Variants in TRPV5 observed in about 807,000 individuals in gnomAD.
TRPV5 encodes calcium transport protein 2.
TRPV5 carries 66 observed loss-of-function variants against 74.1 expected under a neutral mutation model. The observed-to-expected ratio is 0.89, with a 90% confidence interval of 0.73 to 1.09. The LOEUF (loss-of-function observed/expected upper bound fraction) is 1.09. Ranked by LOEUF, TRPV5 falls within the 50% of genes least tolerant of loss-of-function variation. The probability of loss-of-function intolerance (pLI) is 0.00; values close to 1 mark genes in which losing one functional copy is unlikely to be tolerated. For synonymous variants in TRPV5, 399 were observed against 360.7 expected, an observed-to-expected ratio of 1.11 and a Z score of -1.20; for missense variants, 936 against 930.4, an observed-to-expected ratio of 1.01 and a Z score of -0.08.
At chr7:142,916,903 C>T (rs10224165) in intron 8 of TRPV5, among the ~76,000 whole-genome samples, 135,439 of 147,196 alleles carry the variant, frequency 0.92, 62,415 homozygotes, top group East Asian at 0.99. Context: ...TTTTTTTTTT[C>T]TTTTTTGGCT....
chr7:142,932,638 C>T (rs1796115307), intron 1 of TRPV5, among the ~76,000 whole-genome samples: 1 of 152,172 alleles, frequency 6.6e-6, no homozygotes. Flanking sequence ...CAGGATTCGT[C>T]CCTGCCCCAG....
intron 8 of TRPV5, among the ~76,000 whole-genome samples, chr7:142,917,486 C>T (rs564526243): frequency 6.6e-6 from 1 of 152,184 alleles, no homozygotes; most frequent in South Asian, 2.1e-4. Flanking sequence ...GATCAGGGTG[C>T]CCCTAGAATC....
rs376403036 is a variant in TRPV5 at position 142,915,296 on chromosome 7, G to A, written c.1286+11C>T. ...AGGAAAGGCAGGGGGCTGGAATGAG[G>A]GGATACTCACATGATGACATGGAAT... On this transcript the variant is annotated intron_variant, in intron 10 of 14. Coordinates refer to ENST00000265310, the MANE Select transcript of TRPV5 (RefSeq NM_019841.7). 10 of 1,609,658 alleles carry A rather than the reference G, an allele frequency of 6.2e-6. No individual in the cohort carries two copies. Among genetic ancestry groups the A allele is most frequent in the Non-Finnish European group, 8.5e-6 (10 of 1,178,936 alleles).
intron 8 of TRPV5, among the ~76,000 whole-genome samples, chr7:142,921,800 T>A (rs999265892): frequency 1.3e-5 from 2 of 152,240 alleles, no homozygotes; most frequent in African/African-American, 4.8e-5. Context: ...GAAGGATCTG[T>A]CTGGACAACC....
chr7:142,930,412 C>T lies in TRPV5; in HGVS notation c.163G>A (p.Glu55Lys). 2.5e-6 allele frequency: 4 copies of T among 1,614,190 alleles called. No individual in the cohort carries two copies. Among genetic ancestry groups the T allele is most frequent in the Non-Finnish European group, 3.4e-6 (4 of 1,180,032 alleles). Residue 55 changes from glutamate to lysine, a missense_variant, in exon 2 of 15, where the codon GAA becomes AAA. By Grantham distance (56) the Glu-to-Lys change is moderately conservative. Coordinates refer to ENST00000265310, the MANE Select transcript of TRPV5 (RefSeq NM_019841.7). ...LESPLLRASK[E>K]NDLSVLRQLL... ...TGCCTAAGAACAGACAGGTCATTTT[C>T]CTTGGATGCTCGAAGCAGTGGAGAC...
rs747147481 is a variant in TRPV5, at chr7:142,929,004, C to T, written c.586+18G>A. On this transcript the variant is annotated intron_variant, in intron 5 of 14. Transcript: ENST00000265310. ...CTCCCCACAGCATCCCAGCTCCCCT[C>T]CCCATCCCAGCTCTTACCCAGGGAG... 2.1e-5 allele frequency: 34 copies of T among 1,613,654 alleles called. No individual in the cohort carries two copies. Among genetic ancestry groups the T allele is most frequent in the Middle Eastern group, 1.7e-4 (1 of 5,846 alleles).
intron 5 of TRPV5, 50 bp from the exon 6 acceptor site, chr7:142,928,916 G>A (rs750001671): frequency 1.2e-6 from 2 of 1,611,758 alleles, no homozygotes; most frequent in Non-Finnish European, 1.7e-6. Context: ...AGTCCCTGAT[G>A]TCCCCATCCC....
In TRPV5 at chr7:142,908,176, C is replaced by A; in HGVS notation, c.*338G>T. 3.0e-6 allele frequency: 1 copy of A among 334,666 alleles called. No homozygotes were observed. Among genetic ancestry groups the A allele is most frequent in the Non-Finnish European group, 5.5e-6 (1 of 182,654 alleles). 20.7% of individuals were successfully genotyped at this position (334,666 alleles called of 1,614,324 possible). On this transcript the variant is annotated 3_prime_UTR_variant, in exon 15 of 15. Coordinates refer to ENST00000265310, the MANE Select transcript of TRPV5 (RefSeq NM_019841.7). ...AAGCCCTGGGGAGCCAGAAAAGCCTCACAGCTTACTACTTTCTAGGGGCTG... is the reference window on the plus strand; with the variant it reads ...AAGCCCTGGGGAGCCAGAAAAGCCTAACAGCTTACTACTTTCTAGGGGCTG...
Position 142,914,717 on chromosome 7 carries a change from CAGAA to C in TRPV5, c.1453-15_1453-12del, listed in dbSNP as rs1254194420. ...GTCTCCAAAAATCATCTGCAGGAAA[CAGAA>C]GGAAGAAAGGGTGGGATGATTCCTT... On this transcript the variant is annotated splice_polypyrimidine_tract_variant and intron_variant, in intron 11 of 14. Coordinates refer to ENST00000265310, the MANE Select transcript of TRPV5 (RefSeq NM_019841.7). The C allele has an allele frequency of 6.2e-7, 1 of 1,613,478 alleles. No individual in the cohort carries two copies. The highest frequency in any genetic ancestry group is 8.5e-7 in the Non-Finnish European group (1 of 1,179,698).
intron 7 of TRPV5, among the ~76,000 whole-genome samples, chr7:142,926,269 C>G (rs529593916): frequency 6.6e-6 from 1 of 152,058 alleles, no homozygotes; most frequent in Admixed American, 6.5e-5. Context: ...CAGATTTGCT[C>G]TAGAAGTATT....
chr7:142,922,936 C>T (rs1258921888), intron 8 of TRPV5, among the ~76,000 whole-genome samples: 2 of 152,154 alleles, frequency 1.3e-5, no homozygotes, highest in Non-Finnish European at 2.9e-5. Flanking sequence ...AATAAACTAA[C>T]TCCAGCTTTA....
chr7:142,931,522 A>C (rs4252391), intron 1 of TRPV5, among the ~76,000 whole-genome samples: 118,596 of 151,976 alleles, frequency 0.78, 49,455 homozygotes, highest in East Asian at 0.96. Flanking sequence ...TTGAACCCAG[A>C]AAGAGATAAA....
At chr7:142,932,882 A>C (rs1156258015) in intron 1 of TRPV5, among the ~76,000 whole-genome samples, 1 of 152,204 alleles carries the variant, frequency 6.6e-6, no homozygotes, top group African/African-American at 2.4e-5. Context: ...GTCAGCACCC[A>C]GTGTTACACC....
At position 142,930,351 on chromosome 7, in the gene TRPV5, C is replaced by T; in HGVS notation, c.224G>A (p.Arg75Lys). ...LLDCTCDVRQRGALGETALHI... is the reference protein window; with the variant it reads ...LLDCTCDVRQKGALGETALHI... The stretch of plus-strand genomic sequence containing the variant: ...ATCCCATTAAATCCAGATCCCACCT[C>T]TTTGTCGAACGTCACAGGTGCAGTC... Residue 75 changes from arginine (R) to lysine (K), a missense_variant and splice_region_variant, in exon 2 of 15, where the codon AGA becomes AAA. Arg to Lys is a conservative substitution (Grantham distance 26, BLOSUM62 2). Transcript: ENST00000265310. 1 of 1,614,086 alleles carries T rather than the reference C, an allele frequency of 6.2e-7. No homozygotes were observed. Among genetic ancestry groups the T allele is most frequent in the Non-Finnish European group, 8.5e-7 (1 of 1,179,922 alleles).
At chr7:142,928,972 T>G in intron 5 of TRPV5, 50 bp downstream of exon 5, 1 of 1,612,882 alleles carries the variant, frequency 6.2e-7, no homozygotes, top group Non-Finnish European at 8.5e-7. Context: ...CCTTACCCTG[T>G]CCCTCGCTCC....
chr7:142,923,665 C>G (rs2116594577), intron 8 of TRPV5, among the ~76,000 whole-genome samples: 1 of 152,140 alleles, frequency 6.6e-6, no homozygotes, highest in South Asian at 2.1e-4. Context: ...AGAAGGAAGG[C>G]AGAAGAGAGA....
chr7:142,932,609 T>G (rs536962408), intron 1 of TRPV5, among the ~76,000 whole-genome samples: 1 of 152,192 alleles, frequency 6.6e-6, no homozygotes, highest in South Asian at 2.1e-4. Flanking sequence ...CCAAAACACT[T>G]GGAGGAAGAA....
intron 13 of TRPV5, among the ~76,000 whole-genome samples, chr7:142,909,812 T>A (rs973855905): frequency 6.6e-6 from 1 of 152,206 alleles, no homozygotes; most frequent in African/African-American, 2.4e-5. Context: ...TTTGTGAGTG[T>A]TTTGAATAAA....
At chr7:142,923,143 G>A (rs988056220) in intron 8 of TRPV5, among the ~76,000 whole-genome samples, 1 of 152,130 alleles carries the variant, frequency 6.6e-6, no homozygotes, top group Non-Finnish European at 1.5e-5. Context: ...AAGTGACTGA[G>A]ATCCCTGTGA....
Sources: gnomAD v4.1 joint callset for allele counts (sites outside exome capture counted in the v4.1 genomes callset) on GRCh38, gnomAD v4.1.1 for gene constraint, MANE v1.5 for transcripts, NCBI Gene and HGNC (gene_info 2026-07-23, HGNC 2026-07-21) for gene names.